ALK: variants seen among roughly 807,000 people sequenced by gnomAD.
The protein encoded by ALK is ALK receptor tyrosine kinase.
In ALK, 74 loss-of-function variants were observed where a neutral mutation model predicts 163.1. The ratio of observed to expected loss-of-function variants is 0.45; its 90% CI spans 0.38 to 0.55. ALK has a LOEUF of 0.55. Ranked by LOEUF, ALK falls within the 20% of genes least tolerant of loss-of-function variation. The pLI is 0.00. For synonymous variants in ALK, 960 were observed against 843.2 expected (o/e 1.14, Z -2.40); for missense variants, 2,063 against 2,105.3 (o/e 0.98, Z 0.39).
intron 1 of ALK, among the ~76,000 whole-genome samples, chr2:29,751,313 T>A (rs1680360167): frequency 6.6e-6 from 1 of 152,098 alleles, no homozygotes; most frequent in Non-Finnish European, 1.5e-5. Context: ...TTTAAAAAAA[T>A]TAATTGTGCT....
chr2:29,716,351 A>C (rs915704625), intron 2 of ALK, among the ~76,000 whole-genome samples: 16 of 152,258 alleles, frequency 1.1e-4, no homozygotes, highest in African/African-American at 3.6e-4. Context: ...CATATCTTCC[A>C]TGCGATAGAA....
At chr2:29,584,073 G>T (rs1255830238) in intron 3 of ALK, among the ~76,000 whole-genome samples, 1 of 152,132 alleles carries the variant, frequency 6.6e-6, no homozygotes, top group Non-Finnish European at 1.5e-5. Context: ...ATGGGGTAGG[G>T]TAAGTCAGGG....
At chr2:29,306,451 G>A (rs550633797) in intron 8 of ALK, among the ~76,000 whole-genome samples, 1 of 152,340 alleles carries the variant, frequency 6.6e-6, no homozygotes, top group East Asian at 1.9e-4. Context: ...TGCTCAGTGT[G>A]TGGTCTTTGG....
intron 4 of ALK, among the ~76,000 whole-genome samples, chr2:29,486,633 T>C (rs1049652543): frequency 2.0e-5 from 3 of 152,136 alleles, no homozygotes; most frequent in Admixed American, 6.5e-5. Context: ...AGGAGCAACA[T>C]GGAAAAATAT....
At chr2:29,517,858 T>G in intron 4 of ALK, among the ~76,000 whole-genome samples, 1 of 152,194 alleles carries the variant, frequency 6.6e-6, no homozygotes, top group East Asian at 1.9e-4. Context: ...AGATGTCAAG[T>G]GTGTGCATGG....
chr2:29,761,554 T>C (rs1464497303), intron 1 of ALK, among the ~76,000 whole-genome samples: 1 of 152,214 alleles, frequency 6.6e-6, no homozygotes, highest in Non-Finnish European at 1.5e-5. Flanking sequence ...GAGTCTGCAC[T>C]GGAAAGCAAA....
intron 13 of ALK, among the ~76,000 whole-genome samples, chr2:29,238,738 A>C (rs1428080775): frequency 6.6e-6 from 1 of 152,196 alleles, no homozygotes; most frequent in Non-Finnish European, 1.5e-5. Flanking sequence ...TTCCTGGCCC[A>C]GAATCGCCTC....
intron 11 of ALK, among the ~76,000 whole-genome samples, chr2:29,266,393 A>G (rs1057311600): frequency 6.6e-6 from 1 of 152,266 alleles, no homozygotes; most frequent in Admixed American, 6.5e-5. Context: ...TGCACAACTC[A>G]TAGAAGGAGG....
At chr2:29,755,079 A>ACG (rs1553357053) in intron 1 of ALK, among the ~76,000 whole-genome samples, 5 of 151,804 alleles carry the variant, frequency 3.3e-5, no homozygotes, top group African/African-American at 4.8e-5. Context: ...CAGCTTCTCT[A>ACG]AGGGTACCAA....
chr2:29,696,932 A>AT (rs1469184080), intron 2 of ALK, among the ~76,000 whole-genome samples: 354 of 151,428 alleles, frequency 2.3e-3, no homozygotes, highest in African/African-American at 8.3e-3. Context: ...CCCTAAAAAA[A>AT]AAAATAAAAT....
At chr2:29,342,211 T>A (rs1397523095) in intron 5 of ALK, among the ~76,000 whole-genome samples, 2 of 152,202 alleles carry the variant, frequency 1.3e-5, no homozygotes, top group Non-Finnish European at 2.9e-5. Context: ...TTGGTGGGAA[T>A]GTAAAATGGT....
intron 1 of ALK, among the ~76,000 whole-genome samples, chr2:29,873,146 G>GT (rs1443576967): frequency 6.6e-6 from 1 of 152,206 alleles, no homozygotes; most frequent in Non-Finnish European, 1.5e-5. Context: ...ACTGACAGAT[G>GT]TTTTATCAAA....
intron 3 of ALK, among the ~76,000 whole-genome samples, chr2:29,572,637 A>G (rs1053012391): frequency 1.1e-4 from 17 of 152,142 alleles, no homozygotes; most frequent in African/African-American, 3.4e-4. Context: ...ATTTAACACA[A>G]TAACCTTTAG....
intron 4 of ALK, among the ~76,000 whole-genome samples, chr2:29,417,837 C>T (rs1182558419): frequency 1.3e-5 from 2 of 152,120 alleles, no homozygotes; most frequent in Non-Finnish European, 2.9e-5. Flanking sequence ...TATGACTGTC[C>T]CAAGTACTGT....
intron 19 of ALK, 182 bp from the exon 20 acceptor site, chr2:29,223,710 G>T (rs1663818034): frequency 3.2e-6 from 2 of 621,756 alleles, no homozygotes; most frequent in African/African-American, 1.8e-5. Context: ...ATTGAAGCAT[G>T]ATTTAAAGTA....
intron 1 of ALK, among the ~76,000 whole-genome samples, chr2:29,847,451 C>T (rs1462068918): frequency 7.9e-5 from 12 of 152,146 alleles, no homozygotes. Flanking sequence ...CAGGTACATA[C>T]TTAATGTTAT....
At chr2:29,556,800 A>G (rs149189820) in intron 3 of ALK, among the ~76,000 whole-genome samples, 125 of 152,358 alleles carry the variant, frequency 8.2e-4, no homozygotes, top group African/African-American at 2.7e-3. Context: ...GCTTATTACT[A>G]GCCCTCAAGG....
chr2:29,689,465 T>C (rs1373320586), intron 3 of ALK, among the ~76,000 whole-genome samples: 5 of 152,308 alleles, frequency 3.3e-5, no homozygotes, highest in African/African-American at 7.2e-5. Context: ...TTTAAGAACA[T>C]GGCAAACTTT....
chr2:29,297,938 A>G (rs1240199646), intron 8 of ALK, among the ~76,000 whole-genome samples: 1 of 152,212 alleles, frequency 6.6e-6, no homozygotes, highest in Non-Finnish European at 1.5e-5. Context: ...GAAAGGTAAA[A>G]TATGTCTTAT....
Sources: gnomAD v4.1 joint callset for allele counts (sites outside exome capture counted in the v4.1 genomes callset) on GRCh38, gnomAD v4.1.1 for gene constraint, MANE v1.5 for transcripts, NCBI Gene and HGNC (gene_info 2026-07-23, HGNC 2026-07-21) for gene names.